CPS1: variants seen among roughly 807,000 people sequenced by gnomAD.
CPS1 encodes carbamoyl-phosphate synthase 1.
Under a neutral mutation model 174.6 loss-of-function variants are expected in CPS1, and 109 were observed. The observed-to-expected ratio is 0.62, with a 90% CI of 0.53 to 0.73. The LOEUF (loss-of-function observed/expected upper bound fraction) is 0.73. Ranked by LOEUF, CPS1 falls within the 30% of genes least tolerant of loss-of-function variation. The pLI, the probability that CPS1 is intolerant of heterozygous loss-of-function variation, is 0.00. For synonymous variants in CPS1, 637 were observed against 632.0 expected (o/e 1.01, Z -0.12); for missense variants, 1,689 against 1,821.9 (o/e 0.93, Z 1.33).
At chr2:210,625,512 G>A (rs1574609885) in intron 21 of CPS1, among the ~76,000 whole-genome samples, 1 of 152,054 alleles carries the variant, frequency 6.6e-6, no homozygotes, top group African/African-American at 2.4e-5. Flanking sequence ...AAGAAATGAT[G>A]ACTCAGAATG....
chr2:210,492,360 T>A (rs1163026406), intron 1 of CPS1, among the ~76,000 whole-genome samples: 3 of 152,216 alleles, frequency 2.0e-5, no homozygotes. Flanking sequence ...GGACAGCTAC[T>A]GTGAATAGGT....
In CPS1 at chr2:210,678,171, T is replaced by G. The variant is rs1412128096; in HGVS notation, c.*186T>G. On this transcript the variant is annotated 3_prime_UTR_variant, in exon 38 of 38. Coordinates refer to ENST00000233072, the MANE Select transcript of CPS1 (RefSeq NM_001875.5). ...CAGTCACTTCTTCAAAACCTTACAG[T>G]CCTTCCTAAGTTACTCTTCATGAGA... 2 of 675,510 alleles carry G rather than the reference T, an allele frequency of 3.0e-6. No homozygotes were observed. Among genetic ancestry groups the G allele is most frequent in the African/African-American group, 3.6e-5 (2 of 56,252 alleles). 41.8% of individuals were successfully genotyped at this position (675,510 alleles called of 1,614,324 possible).
At chr2:210,637,451 A>T (rs1700072818) in intron 21 of CPS1, among the ~76,000 whole-genome samples, 7 of 152,208 alleles carry the variant, frequency 4.6e-5, no homozygotes, top group Admixed American at 4.6e-4. Flanking sequence ...TTTTTATAAA[A>T]GCAGCAGGGA....
chr2:210,648,541 G>A lies in CPS1; in HGVS notation c.3404+1G>A, dbSNP rs761328915. The A allele has an allele frequency of 1.2e-6, 2 of 1,612,386 alleles. No individual in the cohort carries two copies. Among genetic ancestry groups the A allele is most frequent in the Non-Finnish European group, 1.7e-6 (2 of 1,178,764 alleles). ...TGTTGAGGCCTTCCTATGTTTTGAG[G>A]TAACACTGTATATTGTTTTCCAAAA... On this transcript the variant is annotated splice_donor_variant, in intron 27 of 37. Coordinates refer to ENST00000233072, the MANE Select transcript of CPS1 (RefSeq NM_001875.5). LOFTEE classifies it high-confidence loss of function.
At chr2:210,622,032 G>A (rs1044017030) in intron 21 of CPS1, among the ~76,000 whole-genome samples, 3 of 151,556 alleles carry the variant, frequency 2.0e-5, no homozygotes, top group Non-Finnish European at 4.4e-5. Flanking sequence ...AACAGAATTG[G>A]GATCAAGTCT....
intron 1 of CPS1, among the ~76,000 whole-genome samples, chr2:210,499,178 G>T (rs551601160): frequency 6.7e-4 from 102 of 152,252 alleles, no homozygotes; most frequent in South Asian, 1.5e-3. Context: ...TGCACAGGCA[G>T]GGTGGGGTAT....
At chr2:210,530,214 G>A (rs1696082845) in intron 1 of CPS1, among the ~76,000 whole-genome samples, 1 of 152,006 alleles carries the variant, frequency 6.6e-6, no homozygotes, top group African/African-American at 2.4e-5. Flanking sequence ...CTATTGTTAA[G>A]TAATACAGTT....
chr2:210,659,603 T>C (rs528425492), intron 31 of CPS1, among the ~76,000 whole-genome samples: 3 of 152,238 alleles, frequency 2.0e-5, no homozygotes, highest in Non-Finnish European at 4.4e-5. Context: ...ATCCAGACCA[T>C]AGTAGTAACC....
intron 6 of CPS1, among the ~76,000 whole-genome samples, chr2:210,583,552 A>C (rs934734569): frequency 2.6e-5 from 4 of 152,162 alleles, no homozygotes; most frequent in Admixed American, 2.6e-4. Context: ...AGTAACAGTA[A>C]GGTAGATGAA....
At chr2:210,509,299 A>T (rs532581697) in intron 1 of CPS1, among the ~76,000 whole-genome samples, 1 of 152,242 alleles carries the variant, frequency 6.6e-6, no homozygotes, top group Non-Finnish European at 1.5e-5. Context: ...ATCTCAATAG[A>T]TGCAGAAAAG....
intron 1 of CPS1, among the ~76,000 whole-genome samples, chr2:210,501,634 A>G (rs1300408280): frequency 6.6e-6 from 1 of 152,116 alleles, no homozygotes; most frequent in Non-Finnish European, 1.5e-5. Context: ...CCTTTATTCT[A>G]ATTCCCAACA....
At chr2:210,595,915 G>A (rs1698467203) in intron 13 of CPS1, among the ~76,000 whole-genome samples, 1 of 151,808 alleles carries the variant, frequency 6.6e-6, no homozygotes, top group South Asian at 2.1e-4. Flanking sequence ...TCTTTTATGT[G>A]AAAGAGAAAT....
chr2:210,586,281 T>G (rs750491856), intron 6 of CPS1, among the ~76,000 whole-genome samples: 2 of 151,998 alleles, frequency 1.3e-5, no homozygotes, highest in Non-Finnish European at 2.9e-5. Context: ...AAATTAGATA[T>G]GTAATTACTT....
intron 34 of CPS1, among the ~76,000 whole-genome samples, chr2:210,668,589 T>C (rs1025110900): frequency 2.6e-5 from 4 of 152,196 alleles, no homozygotes; most frequent in African/African-American, 9.6e-5. Flanking sequence ...TTGTCTTTTC[T>C]ATATGTTTTA....
chr2:210,529,526 A>G (rs1277099289), intron 1 of CPS1, among the ~76,000 whole-genome samples: 1 of 152,042 alleles, frequency 6.6e-6, no homozygotes, highest in African/African-American at 2.4e-5. Flanking sequence ...TGCTTAAGCC[A>G]TAACATTAGC....
At chr2:210,656,418 G>C in intron 29 of CPS1, 107 bp from the exon 30 acceptor site, 1 of 764,800 alleles carries the variant, frequency 1.3e-6, no homozygotes, top group Non-Finnish European at 2.3e-6. Context: ...GAACTACTTA[G>C]TGCTCAGTGC....
intron 28 of CPS1, among the ~76,000 whole-genome samples, chr2:210,652,778 T>C (rs967474637): frequency 1.4e-4 from 21 of 152,152 alleles, no homozygotes; most frequent in Non-Finnish European, 2.2e-4. Context: ...GAAGGAAATA[T>C]AGATTTTGAA....
At chr2:210,668,312 C>T (rs200352265) in intron 34 of CPS1, 28 bp downstream of exon 34, 1 of 1,477,934 alleles carries the variant, frequency 6.8e-7, no homozygotes, top group Non-Finnish European at 9.5e-7. Flanking sequence ...GTGTGCTTGC[C>T]CATGGTCATA....
chr2:210,596,593 A>G (rs1368953376), intron 13 of CPS1, among the ~76,000 whole-genome samples: 1 of 151,852 alleles, frequency 6.6e-6, no homozygotes, highest in Non-Finnish European at 1.5e-5. Context: ...TCCTCCATTC[A>G]TGTGCATGCA....
Sources: allele counts gnomAD v4.1 joint callset (sites outside exome capture counted in the v4.1 genomes callset), GRCh38; gene constraint gnomAD v4.1.1; transcripts MANE v1.5; gene names NCBI Gene and HGNC (gene_info 2026-07-23, HGNC 2026-07-21).